MAPK4: variants seen among roughly 807,000 people sequenced by gnomAD.
MAPK4 encodes Erk3-related.
MAPK4 carries 22 observed loss-of-function variants against 47.7 expected under a neutral mutation model. That is an observed-to-expected ratio of 0.46 (90% CI 0.33 to 0.66). MAPK4 has a LOEUF of 0.66. Ranked by LOEUF, MAPK4 falls within the 30% of genes least tolerant of loss-of-function variation. The probability of loss-of-function intolerance (pLI) is 0.02; values close to 1 mark genes in which losing one functional copy is unlikely to be tolerated. For missense variants in MAPK4, 736 were observed against 831.7 expected, an observed-to-expected ratio of 0.88 and a Z score of 1.42; for synonymous variants, 390 against 365.7, an observed-to-expected ratio of 1.07 and a Z score of -0.76.
At chr18:50,563,934 A>T (rs4077763) in intron 1 of MAPK4, among the ~76,000 whole-genome samples, 76,981 of 152,036 alleles carry the variant, frequency 0.51, 19,951 homozygotes, top group Non-Finnish European at 0.57. Flanking sequence ...TAAGCCTCAT[A>T]ATGGAATGAA....
At chr18:50,595,734 C>G (rs1016327522) in intron 1 of MAPK4, among the ~76,000 whole-genome samples, 10 of 152,220 alleles carry the variant, frequency 6.6e-5, no homozygotes, top group Admixed American at 6.5e-4. Flanking sequence ...GATATTATGA[C>G]TTATTATGAA....
intron 1 of MAPK4, among the ~76,000 whole-genome samples, chr18:50,631,522 T>A (rs2042829808): frequency 6.6e-6 from 1 of 152,338 alleles, no homozygotes; most frequent in South Asian, 2.1e-4. Context: ...GAGGGTCAAC[T>A]TAGCGTCTCC....
At chr18:50,659,301 G>C (rs1013603285) in intron 1 of MAPK4, among the ~76,000 whole-genome samples, 5 of 152,198 alleles carry the variant, frequency 3.3e-5, no homozygotes, top group African/African-American at 1.2e-4. Context: ...TGCTCAGCTG[G>C]AAATAGCGGC....
intron 1 of MAPK4, among the ~76,000 whole-genome samples, chr18:50,607,012 G>T (rs1489813186): frequency 6.6e-6 from 1 of 152,232 alleles, no homozygotes; most frequent in Non-Finnish European, 1.5e-5. Flanking sequence ...AATAAACCTG[G>T]CAGTGTTAAG....
chr18:50,567,830 A>ATTT (rs2042213482), intron 1 of MAPK4, among the ~76,000 whole-genome samples: 3 of 151,474 alleles, frequency 2.0e-5, no homozygotes, highest in African/African-American at 4.9e-5. Context: ...TTTTTTTAAA[A>ATTT]AAAAAAAATG....
chr18:50,621,750 G>T (rs558752674), intron 1 of MAPK4, among the ~76,000 whole-genome samples: 1 of 152,342 alleles, frequency 6.6e-6, no homozygotes, highest in African/African-American at 2.4e-5. Flanking sequence ...CTCCATTGTT[G>T]CTAGAGAGTT....
chr18:50,617,631 GAGATCATTGATTATAA>G (rs1212093047), intron 1 of MAPK4, among the ~76,000 whole-genome samples: 4 of 152,160 alleles, frequency 2.6e-5, no homozygotes, highest in South Asian at 2.1e-4. Context: ...CTGAGAGCTG[GAGATCATTGATTATAA>G]CTCTCTTCAT....
At chr18:50,648,961 C>G (rs2043018759) in intron 1 of MAPK4, among the ~76,000 whole-genome samples, 1 of 152,206 alleles carries the variant, frequency 6.6e-6, no homozygotes. Context: ...AGCTGGGACT[C>G]TACGCCTCTC....
At chr18:50,687,385 C>T (rs1185429049) in intron 2 of MAPK4, among the ~76,000 whole-genome samples, 1 of 152,188 alleles carries the variant, frequency 6.6e-6, no homozygotes, top group Non-Finnish European at 1.5e-5. Context: ...TAGCTCCACC[C>T]CTCAAGTTAT....
chr18:50,667,290 C>T (rs1907658950), intron 2 of MAPK4, among the ~76,000 whole-genome samples: 1 of 152,202 alleles, frequency 6.6e-6, no homozygotes, highest in African/African-American at 2.4e-5. Flanking sequence ...ATTCTGATCA[C>T]TGTACCTAAG....
intron 2 of MAPK4, among the ~76,000 whole-genome samples, chr18:50,692,575 T>C (rs1006386763): frequency 6.6e-6 from 1 of 152,172 alleles, no homozygotes; most frequent in African/African-American, 2.4e-5. Context: ...AGGGTTGTTC[T>C]AAGGACTAAA....
chr18:50,686,227 C>T (rs1456486174), intron 2 of MAPK4, among the ~76,000 whole-genome samples: 2 of 152,200 alleles, frequency 1.3e-5, no homozygotes, highest in Non-Finnish European at 2.9e-5. Context: ...TGCCTATAGC[C>T]TTGCACCGTA....
At chr18:50,679,617 A>G (rs1908469378) in intron 2 of MAPK4, among the ~76,000 whole-genome samples, 1 of 151,868 alleles carries the variant, frequency 6.6e-6, no homozygotes, top group African/African-American at 2.4e-5. Flanking sequence ...CAGAGCTGGG[A>G]CAAGATCTGC....
At chr18:50,630,858 C>G (rs1016220152) in intron 1 of MAPK4, among the ~76,000 whole-genome samples, 1 of 152,240 alleles carries the variant, frequency 6.6e-6, no homozygotes, top group Non-Finnish European at 1.5e-5. Flanking sequence ...CTGGGAGCCT[C>G]ACCTGTCTTT....
intron 1 of MAPK4, among the ~76,000 whole-genome samples, chr18:50,647,817 C>T (rs1000163682): frequency 1.3e-5 from 2 of 152,108 alleles, no homozygotes; most frequent in African/African-American, 4.8e-5. Context: ...TCTTAAGCCT[C>T]TGCTGTCATT....
chr18:50,579,611 C>G (rs2042326139), intron 1 of MAPK4, among the ~76,000 whole-genome samples: 1 of 152,128 alleles, frequency 6.6e-6, no homozygotes, highest in African/African-American at 2.4e-5. Flanking sequence ...ATTAAAAGCC[C>G]TGAGTCATAG....
chr18:50,713,080 A>C (rs1910462356), intron 2 of MAPK4, among the ~76,000 whole-genome samples: 1 of 152,248 alleles, frequency 6.6e-6, no homozygotes, highest in Non-Finnish European at 1.5e-5. Flanking sequence ...AGGTAAAATT[A>C]GAGAGACAGA....
rs1273709878 is a variant in MAPK4 at position 50,638,782 on chromosome 18, C to T, written c.-870-24307C>T. Reference sequence around the variant, plus strand: ...TAATCCTATTAGCAGCTGCTGTTGACGGACTGGCTGCTCCCTGCCAGGCAC... The same window carrying T: ...TAATCCTATTAGCAGCTGCTGTTGATGGACTGGCTGCTCCCTGCCAGGCAC... On this transcript the variant is annotated intron_variant, in intron 1 of 5. Coordinates refer to ENST00000400384, the MANE Select transcript of MAPK4 (RefSeq NM_002747.4). 1.1e-4 allele frequency among the ~76,000 whole-genome samples: 16 copies of T among 152,274 alleles called. No individual in the cohort carries two copies. The Middle Eastern group carries it at 0.014, about 129-fold the overall frequency.
intron 1 of MAPK4, among the ~76,000 whole-genome samples, chr18:50,606,164 C>T (rs935558601): frequency 1.3e-5 from 2 of 152,006 alleles, no homozygotes; most frequent in East Asian, 1.9e-4. Context: ...GGGAGAACCC[C>T]GCCTGCCACT....
Sources: allele counts gnomAD v4.1 joint callset (sites outside exome capture counted in the v4.1 genomes callset), GRCh38; gene constraint gnomAD v4.1.1; transcripts MANE v1.5; gene names NCBI Gene and HGNC (gene_info 2026-07-23, HGNC 2026-07-21).